MEOX2: variants seen among roughly 807,000 people sequenced by gnomAD.
MEOX2 encodes mesenchyme homeobox 2.
In MEOX2, 11 loss-of-function variants were observed where a neutral mutation model predicts 27.0. That is an observed-to-expected ratio of 0.41 (90% CI 0.26 to 0.68). The LOEUF (loss-of-function observed/expected upper bound fraction) is 0.68, where lower values mean the gene tolerates loss of function less well. MEOX2 is among the 30% of genes least tolerant of loss of function. The pLI, the probability that MEOX2 is intolerant of heterozygous loss-of-function variation, is 0.33. For synonymous variants in MEOX2, 189 were observed against 155.4 expected, an observed-to-expected ratio of 1.22 and a Z score of -1.61; for missense variants, 436 against 385.4, an observed-to-expected ratio of 1.13 and a Z score of -1.10.
Position 15,676,665 on chromosome 7 carries a change from G to T in MEOX2, c.517+9221C>A, listed in dbSNP as rs538420267. Among the ~76,000 whole-genome samples, 3 of 152,176 alleles carry T rather than the reference G, an allele frequency of 2.0e-5. No individual in the cohort carries two copies. In the South Asian group the frequency reaches 6.2e-4, roughly 32 times the overall value. On this transcript the variant is annotated intron_variant, in intron 1 of 2. Transcript: ENST00000262041. Reference sequence around the variant, plus strand: ...GTGGGCAGATCACTTGAGGTAGGTAGTTCGAGACCAGCCTGGCCAACATGG... The same window carrying T: ...GTGGGCAGATCACTTGAGGTAGGTATTTCGAGACCAGCCTGGCCAACATGG...
chr7:15,681,091 ATTAT>A (rs1319861165), intron 1 of MEOX2: 1 of 151,774 alleles, frequency 6.6e-6, no homozygotes, highest in Non-Finnish European at 1.5e-5. Flanking sequence ...TTCAACAGAT[ATTAT>A]TTAAGAAATT....
chr7:15,663,319 A>C (rs1246817066), intron 1 of MEOX2, among the ~76,000 whole-genome samples: 1 of 152,038 alleles, frequency 6.6e-6, no homozygotes, highest in Non-Finnish European at 1.5e-5. Context: ...CAAGCAAGAG[A>C]AATTTCTGTA....
intron 1 of MEOX2, among the ~76,000 whole-genome samples, chr7:15,678,685 T>C (rs191252546): frequency 6.6e-6 from 1 of 152,332 alleles, no homozygotes; most frequent in East Asian, 1.9e-4. Flanking sequence ...CATTTGCAAA[T>C]AACTATCACT....
intron 1 of MEOX2, among the ~76,000 whole-genome samples, chr7:15,659,684 C>T (rs1454741316): frequency 2.1e-5 from 3 of 139,602 alleles, no homozygotes; most frequent in African/African-American, 8.1e-5. Flanking sequence ...GGCGTGAACC[C>T]GGGAGGCGGA....
chr7:15,633,976 T>C (rs1781445333), intron 1 of MEOX2, among the ~76,000 whole-genome samples: 1 of 151,982 alleles, frequency 6.6e-6, no homozygotes, highest in Non-Finnish European at 1.5e-5. Flanking sequence ...AAGTATCATT[T>C]ATTATTGCTT....
chr7:15,668,370 T>C (rs1455711478), intron 1 of MEOX2: 1 of 152,266 alleles, frequency 6.6e-6, no homozygotes, highest in Non-Finnish European at 1.5e-5. Context: ...ATTGTAAGAA[T>C]ACAGTATATA....
intron 1 of MEOX2, among the ~76,000 whole-genome samples, chr7:15,666,403 G>A (rs1182727670): frequency 6.6e-6 from 1 of 152,064 alleles, no homozygotes; most frequent in Non-Finnish European, 1.5e-5. Flanking sequence ...GAAATACAAA[G>A]TTTAGTAACC....
intron 1 of MEOX2, among the ~76,000 whole-genome samples, chr7:15,648,689 T>G (rs986261598): frequency 1.3e-5 from 2 of 152,068 alleles, no homozygotes; most frequent in Non-Finnish European, 2.9e-5. Context: ...CTGCCAGAAA[T>G]AGAAACCAGC....
chr7:15,686,479 T>G lies in MEOX2; in HGVS notation c.-77A>C. ...CCACCACCCTCTGTCACTTTTTCACTGGAAACCGTGTGATTTTTTTTTTAA... is the reference window on the plus strand; with the variant it reads ...CCACCACCCTCTGTCACTTTTTCACGGGAAACCGTGTGATTTTTTTTTTAA... On this transcript the variant is annotated 5_prime_UTR_variant, in exon 1 of 3. Coordinates refer to ENST00000262041, the MANE Select transcript of MEOX2 (RefSeq NM_005924.5). 2.3e-6 allele frequency: 3 copies of G among 1,309,684 alleles called. No homozygotes were observed. Among genetic ancestry groups the G allele is most frequent in the African/African-American group, 1.7e-5 (1 of 58,118 alleles). The allele number at this position is 1,309,684 out of a possible 1,614,324, so 81.1% of individuals were successfully genotyped here.
intron 1 of MEOX2, among the ~76,000 whole-genome samples, chr7:15,629,579 T>C (rs1159174567): frequency 6.6e-6 from 1 of 152,106 alleles, no homozygotes; most frequent in African/African-American, 2.4e-5. Flanking sequence ...TGTATGCTTC[T>C]TGATATCACC....
At chr7:15,648,848 G>A (rs1175436348) in intron 1 of MEOX2, among the ~76,000 whole-genome samples, 1 of 152,040 alleles carries the variant, frequency 6.6e-6, no homozygotes, top group Non-Finnish European at 1.5e-5. Context: ...TGAGGTTGGA[G>A]TTTAGTTACC....
At chr7:15,676,776 T>A (rs1782200040) in intron 1 of MEOX2, among the ~76,000 whole-genome samples, 1 of 151,820 alleles carries the variant, frequency 6.6e-6, no homozygotes, top group Non-Finnish European at 1.5e-5. Context: ...GAGAATCACT[T>A]GAACCCGGAC....
At chr7:15,644,499 G>C (rs1250123166) in intron 1 of MEOX2, among the ~76,000 whole-genome samples, 1 of 152,096 alleles carries the variant, frequency 6.6e-6, no homozygotes, top group Non-Finnish European at 1.5e-5. Flanking sequence ...GAAGAACATA[G>C]ACCCAAGAAA....
At chr7:15,682,134 G>GT (rs544518951) in intron 1 of MEOX2, among the ~76,000 whole-genome samples, 3,029 of 151,018 alleles carry the variant, frequency 0.02, 92 homozygotes, top group African/African-American at 0.069. Flanking sequence ...AAGAATGGAA[G>GT]TTTTTTTTTG....
At chr7:15,617,022 C>G (rs1781134311) in intron 2 of MEOX2, among the ~76,000 whole-genome samples, 1 of 151,962 alleles carries the variant, frequency 6.6e-6, no homozygotes, top group South Asian at 2.1e-4. Flanking sequence ...AAAGAAGTGA[C>G]TTATGAATCT....
At chr7:15,651,568 T>C (rs1781732800) in intron 1 of MEOX2, among the ~76,000 whole-genome samples, 1 of 151,962 alleles carries the variant, frequency 6.6e-6, no homozygotes, top group African/African-American at 2.4e-5. Context: ...ATTTACACAA[T>C]CCTTCATTTC....
chr7:15,652,584 A>C (rs527953955), intron 1 of MEOX2, among the ~76,000 whole-genome samples: 5 of 152,188 alleles, frequency 3.3e-5, no homozygotes, highest in Non-Finnish European at 5.9e-5. Context: ...ATATTCTAAA[A>C]AACTAAGCCA....
intron 1 of MEOX2, among the ~76,000 whole-genome samples, chr7:15,648,943 A>G (rs895756052): frequency 6.6e-6 from 1 of 152,030 alleles, no homozygotes; most frequent in African/African-American, 2.4e-5. Flanking sequence ...TAAATGATTA[A>G]TAATAGCTGA....
intron 1 of MEOX2, among the ~76,000 whole-genome samples, chr7:15,662,786 A>G (rs1781938142): frequency 6.6e-6 from 1 of 152,200 alleles, no homozygotes; most frequent in Non-Finnish European, 1.5e-5. Flanking sequence ...GAGATTTATA[A>G]AAAATGAAAC....
Sources: gnomAD v4.1 joint callset for allele counts (sites outside exome capture counted in the v4.1 genomes callset) on GRCh38, gnomAD v4.1.1 for gene constraint, MANE v1.5 for transcripts, NCBI Gene and HGNC (gene_info 2026-07-23, HGNC 2026-07-21) for gene names.